Variants in MYH9 observed in about 807,000 individuals in gnomAD.
The protein encoded by MYH9 is myosin-9.
MYH9 carries 29 observed loss-of-function variants against 241.9 expected under a neutral mutation model. The ratio of observed to expected loss-of-function variants is 0.12; its 90% CI spans 0.09 to 0.16. The LOEUF (loss-of-function observed/expected upper bound fraction) is 0.16, where lower values mean the gene tolerates loss of function less well. MYH9 is among the 10% of genes least tolerant of loss of function. The probability of loss-of-function intolerance (pLI) is 1.00; values close to 1 mark genes in which losing one functional copy is unlikely to be tolerated. For synonymous variants in MYH9, 1,047 were observed against 1,062.6 expected (o/e 0.99, Z 0.29); for missense variants, 1,803 against 2,595.5 (o/e 0.69, Z 6.63).
intron 13 of MYH9, among the ~76,000 whole-genome samples, chr22:36,313,563 T>C (rs1445943403): frequency 6.6e-6 from 1 of 151,220 alleles, no homozygotes; most frequent in East Asian, 2.0e-4. Context: ...ACCCAACCTC[T>C]ACCTGGCAAG....
intron 1 of MYH9, among the ~76,000 whole-genome samples, chr22:36,352,487 C>A (rs2017781640): frequency 6.6e-6 from 1 of 152,226 alleles, no homozygotes; most frequent in African/African-American, 2.4e-5. Flanking sequence ...TTCTCGGCAG[C>A]CCATGGGCAC....
chr22:36,364,601 C>G (rs951219302), intron 1 of MYH9, among the ~76,000 whole-genome samples: 45 of 152,182 alleles, frequency 3.0e-4, no homozygotes, highest in African/African-American at 9.9e-4. Flanking sequence ...CCGCCCCACC[C>G]CCTGCCTCAC....
intron 1 of MYH9, among the ~76,000 whole-genome samples, chr22:36,376,529 G>C (rs547151636): frequency 1.4e-3 from 214 of 152,320 alleles, no homozygotes; most frequent in African/African-American, 5.0e-3. Context: ...CACCAAGCCA[G>C]CACAGTGCAG....
chr22:36,305,850 C>T lies in MYH9; in HGVS notation c.2159+80G>A. 1 of 1,598,366 alleles carries T rather than the reference C, an allele frequency of 6.3e-7. No individual in the cohort carries two copies. The highest frequency in any genetic ancestry group is 2.2e-5 in the East Asian group (1 of 44,700). On this transcript the variant is annotated intron_variant, in intron 17 of 40. Transcript: ENST00000216181. This position sits in a 1 kb window ranked among gnomAD's most constrained non-coding sequence, Gnocchi z 4.7. Reference sequence around the variant, plus strand: ...TCGCTCCCTCACGACAGGATCCTGCCAGGGAGCAGCAGCCCACCTCTGGGA... The same window carrying T: ...TCGCTCCCTCACGACAGGATCCTGCTAGGGAGCAGCAGCCCACCTCTGGGA...
In MYH9 at chr22:36,295,778, G is replaced by C; in HGVS notation, c.3273-61C>G. 2 of 1,496,676 alleles carry C rather than the reference G, an allele frequency of 1.3e-6. No homozygotes were observed. Among genetic ancestry groups the C allele is most frequent in the Non-Finnish European group, 1.8e-6 (2 of 1,093,898 alleles). The allele number at this position is 1,496,676 out of a possible 1,614,324, so 92.7% of individuals were successfully genotyped here. On this transcript the variant is annotated intron_variant, in intron 25 of 40. Transcript: ENST00000216181. The surrounding 1 kb of genome is among the most constrained non-coding windows in gnomAD (Gnocchi z 4.1). ...GTTTCACCTCCAAGGAGCAGAGTTT[G>C]CAGGACAGGCCTGAGAGAGCTGCAG...
chr22:36,382,810 GAAAT>G (rs1016033063), intron 1 of MYH9, among the ~76,000 whole-genome samples: 7 of 151,308 alleles, frequency 4.6e-5, no homozygotes, highest in African/African-American at 1.7e-4. Flanking sequence ...CTCAAATAAA[GAAAT>G]AAATAAATAA....
intron 1 of MYH9, among the ~76,000 whole-genome samples, chr22:36,365,982 A>G (rs1188622908): frequency 6.6e-6 from 1 of 152,102 alleles, no homozygotes; most frequent in Admixed American, 6.6e-5. Flanking sequence ...TGAGGTCAGG[A>G]GTTCAAGACA....
intron 3 of MYH9, among the ~76,000 whole-genome samples, chr22:36,336,203 AC>A (rs1315485811): frequency 6.6e-6 from 1 of 152,236 alleles, no homozygotes; most frequent in African/African-American, 2.4e-5. Context: ...CTGGCATTCT[AC>A]CTAATTCACA....
chr22:36,353,527 A>AT (rs2017805846), intron 1 of MYH9, among the ~76,000 whole-genome samples: 1 of 151,938 alleles, frequency 6.6e-6, no homozygotes, highest in African/African-American at 2.4e-5. Flanking sequence ...CAGCCGGCTA[A>AT]TTTTTGTATT....
At chr22:36,360,749 C>G (rs965873039) in intron 1 of MYH9, among the ~76,000 whole-genome samples, 11 of 151,824 alleles carry the variant, frequency 7.2e-5, no homozygotes, top group African/African-American at 2.7e-4. Flanking sequence ...AAAAAGAAAT[C>G]TGCTTAACTC....
chr22:36,332,828 G>GA (rs1196244432), intron 3 of MYH9, among the ~76,000 whole-genome samples: 1 of 152,118 alleles, frequency 6.6e-6, no homozygotes, highest in East Asian at 1.9e-4. Flanking sequence ...CAGCACTGCT[G>GA]TTTCTGTGGG....
chr22:36,386,920 TCGCCCAGGCCTGC>T (rs1484884646), intron 1 of MYH9, among the ~76,000 whole-genome samples: 3 of 152,184 alleles, frequency 2.0e-5, no homozygotes, highest in Non-Finnish European at 4.4e-5. Context: ...AAAGATGCAA[TCGCCCAGGCCTGC>T]TCGTAACGGC....
rs1035844930 is a variant in MYH9 at position 36,317,598 on chromosome 22, T to C, written c.1227+609A>G. On this transcript the variant is annotated intron_variant, in intron 11 of 40. Transcript: ENST00000216181. ...TAACAAAATGAGCTTCCAAGTATTT[T>C]TGAGAGATGGGTTTGGCACCCTAAA... Among the ~76,000 whole-genome samples, 15 of 152,326 alleles carry C rather than the reference T, an allele frequency of 9.8e-5. 1 individual carries two copies. Among genetic ancestry groups the C allele is most frequent in the African/African-American group, 3.6e-4 (15 of 41,578 alleles).
intron 1 of MYH9, among the ~76,000 whole-genome samples, chr22:36,382,481 CA>C (rs879256327): frequency 7.1e-6 from 1 of 140,382 alleles, no homozygotes. Context: ...TCTCAAAAAA[CA>C]AAAAAAAGAG....
At chr22:36,349,340 C>G (rs2017731379) in intron 1 of MYH9, 85 bp from the exon 2 acceptor site, 1 of 995,268 alleles carries the variant, frequency 1.0e-6, no homozygotes, top group Non-Finnish European at 1.5e-6. Context: ...CTTCTCTTTG[C>G]AAACTGTATA....
chr22:36,318,176 C>T (rs2017189168), intron 11 of MYH9, 31 bp downstream of exon 11: 1 of 1,584,816 alleles, frequency 6.3e-7, no homozygotes, highest in Non-Finnish European at 8.7e-7. Context: ...ACCCAGGAGG[C>T]AGCCAGCTGC....
intron 5 of MYH9, among the ~76,000 whole-genome samples, chr22:36,323,307 G>A (rs776015324): frequency 1.3e-5 from 2 of 152,228 alleles, no homozygotes; most frequent in South Asian, 2.1e-4. Flanking sequence ...TCCGCAGAGC[G>A]GGGTGGCGGA....
chr22:36,282,306 A>C lies in MYH9; in HGVS notation c.*362T>G. On this transcript the variant is annotated 3_prime_UTR_variant, in exon 41 of 41. Coordinates refer to ENST00000216181, the MANE Select transcript of MYH9 (RefSeq NM_002473.6). Reference sequence around the variant, plus strand: ...TACCAAAAGGCCTCAGTCTGAAGAAAAATAGATTCATAGAAAACTCTGGCC... The same window carrying C: ...TACCAAAAGGCCTCAGTCTGAAGAACAATAGATTCATAGAAAACTCTGGCC... 2.3e-6 allele frequency: 1 copy of C among 428,914 alleles called. No individual in the cohort carries two copies. The highest frequency in any genetic ancestry group is 2.8e-5 in the South Asian group (1 of 35,706). The allele number at this position is 428,914 out of a possible 1,614,324, so 26.6% of individuals were successfully genotyped here.
At chr22:36,355,822 A>G (rs535585800) in intron 1 of MYH9, among the ~76,000 whole-genome samples, 3 of 152,292 alleles carry the variant, frequency 2.0e-5, no homozygotes, top group East Asian at 3.9e-4. Context: ...AGGGGGCTAC[A>G]AGAAGCAAAC....
Sources: allele counts gnomAD v4.1 joint callset (sites outside exome capture counted in the v4.1 genomes callset), GRCh38; gene constraint gnomAD v4.1.1; non-coding constraint Gnocchi (gnomAD v3.1); transcripts MANE v1.5; gene names NCBI Gene and HGNC (gene_info 2026-07-23, HGNC 2026-07-21).